Variants in PDE1A observed in about 807,000 individuals in gnomAD.
PDE1A encodes dual specificity calcium/calmodulin-dependent 3',5'-cyclic nucleotide phosphodiesterase 1A.
PDE1A carries 35 observed loss-of-function variants against 61.7 expected under a neutral mutation model. The ratio of observed to expected loss-of-function variants is 0.57; its 90% CI spans 0.43 to 0.75. The LOEUF (loss-of-function observed/expected upper bound fraction) is 0.75, where lower values mean the gene tolerates loss of function less well. PDE1A is among the 30% of genes least tolerant of loss of function. The pLI is 0.00. For synonymous variants in PDE1A, 232 were observed against 213.2 expected, an observed-to-expected ratio of 1.09 and a Z score of -0.77; for missense variants, 597 against 630.6, an observed-to-expected ratio of 0.95 and a Z score of 0.57.
chr2:182,638,463 G>A, the PDE1A span, among the ~76,000 whole-genome samples: 1 of 152,210 alleles, frequency 6.6e-6, no homozygotes, highest in South Asian at 2.1e-4. Context: ...TTGAACCCAG[G>A]AGGCAGAGGT....
chr2:182,264,418 T>C lies in PDE1A; in HGVS notation c.54-4A>G, dbSNP rs1438073. 7.4e-4 allele frequency: 1,194 copies of C among 1,607,678 alleles called. 11 individuals are homozygous for C. In the African/African-American group the frequency reaches 0.014, roughly 19 times the overall value. ...CTGCTTCACCAAGCATCTTAGTCTA[T>C]TTCAAAAAAGTAGCCAAAGAGAGAA... is the stretch of plus-strand genomic sequence containing the variant. On this transcript the variant is annotated splice_polypyrimidine_tract_variant and splice_region_variant and intron_variant, in intron 1 of 13. Transcript: ENST00000351439.
intron 2 of PDE1A, among the ~76,000 whole-genome samples, chr2:182,453,430 T>A (rs1685661825): frequency 1.3e-5 from 2 of 151,760 alleles, no homozygotes; most frequent in South Asian, 4.2e-4. Context: ...GTGAACTTCT[T>A]CATTAAAAAA....
chr2:182,423,541 G>C (rs1362130449), intron 1 of PDE1A, among the ~76,000 whole-genome samples: 1 of 152,098 alleles, frequency 6.6e-6, no homozygotes, highest in Non-Finnish European at 1.5e-5. Flanking sequence ...ATGAAAAACT[G>C]ATTTTAATTA....
chr2:182,271,814 T>C (rs1693046107), intron 1 of PDE1A, among the ~76,000 whole-genome samples: 1 of 152,138 alleles, frequency 6.6e-6, no homozygotes, highest in Non-Finnish European at 1.5e-5. Flanking sequence ...AAAAATTTCT[T>C]TATTGGTGCT....
intron 1 of PDE1A, among the ~76,000 whole-genome samples, chr2:182,285,021 T>C (rs1373395682): frequency 6.6e-6 from 1 of 152,094 alleles, no homozygotes; most frequent in African/African-American, 2.4e-5. Flanking sequence ...ATCTTCACTT[T>C]CCTCAAGCCA....
At chr2:182,189,042 A>G (rs2125410581) in exon 11 of PDE1A, 1 of 1,612,586 alleles carries the variant, frequency 6.2e-7, no homozygotes, top group South Asian at 1.1e-5. Flanking sequence ...GGAAGCCCTA[A>G]TTCAGCTTCT....
chr2:182,622,648 C>A, the PDE1A span, among the ~76,000 whole-genome samples: 1 of 152,088 alleles, frequency 6.6e-6, no homozygotes, highest in Non-Finnish European at 1.5e-5. Context: ...ATCCTACATC[C>A]AAGCTGCCGA....
rs536537485 is a variant in PDE1A at position 182,253,505 on chromosome 2, C to T, written c.167+10796G>A. ...ATACACCACCCAGAAGCATGACACCCTTCCTATGAAGAGGAAACCTTCTGC... is the reference window on the plus strand; with the variant it reads ...ATACACCACCCAGAAGCATGACACCTTTCCTATGAAGAGGAAACCTTCTGC... On this transcript the variant is annotated intron_variant, in intron 2 of 13. Transcript: ENST00000351439. Among the ~76,000 whole-genome samples, 9 of 152,306 alleles carry T rather than the reference C, an allele frequency of 5.9e-5. No homozygotes were observed. The South Asian group carries it at 1.2e-3, about 21-fold the overall frequency.
At chr2:182,276,591 G>A (rs918540778) in intron 1 of PDE1A, among the ~76,000 whole-genome samples, 2 of 147,944 alleles carry the variant, frequency 1.4e-5, no homozygotes, top group Admixed American at 1.4e-4. Context: ...ATGTGTGTTT[G>A]AACAATATGA....
intron 13 of PDE1A, among the ~76,000 whole-genome samples, chr2:182,152,617 C>T (rs1451201259): frequency 2.6e-5 from 4 of 151,940 alleles, no homozygotes; most frequent in East Asian, 1.9e-4. Flanking sequence ...GACGGGGTTT[C>T]GCCATGTTGG....
the PDE1A span, among the ~76,000 whole-genome samples, chr2:182,681,729 T>G: frequency 1.3e-5 from 2 of 152,138 alleles, no homozygotes; most frequent in African/African-American, 4.8e-5. Context: ...CACTGCAAGC[T>G]CCACCTTCCG....
intron 1 of PDE1A, among the ~76,000 whole-genome samples, chr2:182,370,551 CAGATGATTGATCTGAGATTTGACA>C (rs1306004089): frequency 6.6e-6 from 1 of 152,142 alleles, no homozygotes; most frequent in Non-Finnish European, 1.5e-5. Flanking sequence ...TCAGAGGGGG[CAGATGATTGATCTGAGATTTGACA>C]AGAACCCAGA....
chr2:182,477,263 A>G (rs1687425849), intron 2 of PDE1A, among the ~76,000 whole-genome samples: 1 of 151,932 alleles, frequency 6.6e-6, no homozygotes, highest in East Asian at 1.9e-4. Flanking sequence ...GGTAAAAGAG[A>G]AAAATGTAGT....
the PDE1A span, among the ~76,000 whole-genome samples, chr2:182,579,724 C>CA: frequency 4.3e-4 from 61 of 142,140 alleles, no homozygotes; most frequent in East Asian, 2.2e-3. Context: ...ATGGTATGCC[C>CA]AAAAAAAAAA....
At chr2:182,255,164 G>C in intron 2 of PDE1A, among the ~76,000 whole-genome samples, 1 of 152,166 alleles carries the variant, frequency 6.6e-6, no homozygotes, top group East Asian at 1.9e-4. Flanking sequence ...CCTGCTGACA[G>C]ACATCATTTG....
chr2:182,190,382 A>C (rs1236571031), intron 10 of PDE1A, among the ~76,000 whole-genome samples: 1 of 152,232 alleles, frequency 6.6e-6, no homozygotes, highest in Non-Finnish European at 1.5e-5. Context: ...CTTAAAGGAC[A>C]GATGGAAGGG....
chr2:182,664,469 G>A, the PDE1A span, among the ~76,000 whole-genome samples: 7 of 152,290 alleles, frequency 4.6e-5, no homozygotes, highest in South Asian at 2.1e-4. Context: ...CCTCACAGTG[G>A]CAGAAGGATA....
the PDE1A span, among the ~76,000 whole-genome samples, chr2:182,570,887 C>T: frequency 1.3e-5 from 2 of 152,102 alleles, 1 homozygote; most frequent in South Asian, 4.2e-4. Flanking sequence ...CTGTGGAGCA[C>T]TGGGTAAGTC....
intron 1 of PDE1A, among the ~76,000 whole-genome samples, chr2:182,424,131 G>A (rs1055921027): frequency 6.6e-6 from 1 of 151,952 alleles, no homozygotes; most frequent in South Asian, 2.1e-4. Flanking sequence ...TTTTAGTAGA[G>A]ACAGGGTTTC....
Sources: allele counts gnomAD v4.1 joint callset (sites outside exome capture counted in the v4.1 genomes callset), GRCh38; gene constraint gnomAD v4.1.1; transcripts MANE v1.5; gene names NCBI Gene and HGNC (gene_info 2026-07-23, HGNC 2026-07-21).